Variants in NLRP13 observed in about 807,000 individuals in gnomAD.
The protein encoded by NLRP13 is NACHT, LRR and PYD domains-containing protein 13.
In NLRP13, 82 loss-of-function variants were observed where a neutral mutation model predicts 94.4. That is an observed-to-expected ratio of 0.87 (90% CI 0.73 to 1.04). The LOEUF is 1.04. NLRP13 is among the 50% of genes least tolerant of loss of function. The pLI, the probability that NLRP13 is intolerant of heterozygous loss-of-function variation, is 0.00. For synonymous variants in NLRP13, 553 were observed against 464.7 expected (o/e 1.19, Z -2.45); for missense variants, 1,426 against 1,230.8 (o/e 1.16, Z -2.37).
rs1397957236 is a variant in NLRP13, at chr19:55,932,108, C to T, written c.204G>A (p.Leu68=). ...ANLRAADPLN[L]SFLLDEHFPK... ...GGAAGTGTTCATCCAAAAGAAAGGA[C>T]AGATTCAAAGGGTCGGCAGCTCTCA... The change falls in exon 1 of 11, where the codon CTG becomes CTA. Residue 68 remains leucine, a synonymous_variant. Coordinates refer to ENST00000342929, the MANE Select transcript of NLRP13 (RefSeq NM_176810.2). 6.2e-7 allele frequency: 1 copy of T among 1,614,154 alleles called. No homozygotes were observed. The highest frequency in any genetic ancestry group is 2.2e-5 in the East Asian group (1 of 44,860).
chr19:55,924,870 A>T (rs1600278133), intron 2 of NLRP13, 97 bp downstream of exon 2: 1 of 1,112,364 alleles, frequency 9.0e-7, no homozygotes, highest in East Asian at 2.4e-5. Flanking sequence ...ATGCACTATA[A>T]ATTCAAGAAA....
At chr19:55,892,566 C>T (rs143959401), downstream of NLRP13, among the ~76,000 whole-genome samples, 2,476 of 152,156 alleles carry the variant, frequency 0.016, 66 homozygotes, top group African/African-American at 0.056. Flanking sequence ...GGATTATAGG[C>T]GCACACCACC....
intron 8 of NLRP13, 150 bp from the exon 9 acceptor site, chr19:55,902,355 G>C (rs1193725094): frequency 3.1e-6 from 2 of 635,892 alleles, no homozygotes; most frequent in Non-Finnish European, 5.4e-6. Context: ...ACCGACCCAG[G>C]CTATGGCAGT....
Position 55,932,015 on chromosome 19 carries a change from C to T in NLRP13, c.297G>A (p.Glu99=), listed in dbSNP as rs752137379. Residue 99 remains glutamate (E), a synonymous_variant, in exon 1 of 11, where the codon GAG becomes GAA. Transcript: ENST00000342929. ...CACCTTTCATCTCGGCTCTAACTTT[C>T]TCACACAGTGAGGTCAGATTCATTG... is the stretch of plus-strand genomic sequence containing the variant. ...FQTMNLTSLC[E]KVRAEMKENV... The T allele has an allele frequency of 4.2e-5, 67 of 1,613,672 alleles. No homozygotes were observed. In the South Asian group the frequency reaches 5.8e-4, roughly 14 times the overall value.
Position 55,912,662 on chromosome 19 carries a change from C to A in NLRP13, c.1155G>T (p.Gly385=), listed in dbSNP as rs150664866. Reference sequence around the variant, plus strand: ...ATACCCGTAGGTCGTCCCCTGTGAACCCTGTAATTTGTACAAAGCATGGAT... The same window carrying A: ...ATACCCGTAGGTCGTCCCCTGTGAAACCTGTAATTTGTACAAAGCATGGAT... ...LVNPCFVQIT[G]FTGDDLRVYF... is the part of the protein sequence containing the mutation. Residue 385 remains glycine, a synonymous_variant, in exon 5 of 11, where the codon GGG becomes GGT. Coordinates refer to ENST00000342929, the MANE Select transcript of NLRP13 (RefSeq NM_176810.2). 1.6e-4 allele frequency: 251 copies of A among 1,614,172 alleles called. No individual in the cohort carries two copies. In the African/African-American group the frequency reaches 2.6e-3, roughly 17 times the overall value.
downstream of NLRP13, among the ~76,000 whole-genome samples, chr19:55,892,310 C>T (rs532103469): frequency 6.6e-6 from 1 of 152,268 alleles, no homozygotes; most frequent in South Asian, 2.1e-4. Context: ...TAACCCTTGC[C>T]TCCTTCCTAC....
rs149412098 is a variant in NLRP13 at position 55,917,524 on chromosome 19, T to TA, written c.524-4232dup. ...AAACATAAGCCAAATATATGCTGCT[T>TA]AAAAAAAAACTCATCTTACTTCACT... On this transcript the variant is annotated intron_variant, in intron 4 of 10. Transcript: ENST00000342929. Among the ~76,000 whole-genome samples the TA allele has an allele frequency of 8.7e-3, 1,313 of 151,316 alleles. 15 individuals are homozygous for TA. The highest frequency in any genetic ancestry group is 0.026 in the African/African-American group (1,069 of 41,318).
rs368799385 is a variant in NLRP13 at position 55,913,050 on chromosome 19, A to G, written c.767T>C (p.Val256Ala). 1 of 1,613,914 alleles carries G rather than the reference A, an allele frequency of 6.2e-7. No homozygotes were observed. Among genetic ancestry groups the G allele is most frequent in the Non-Finnish European group, 8.5e-7 (1 of 1,179,962 alleles). Reference protein sequence around the residue: ...MQAMLHWANGVLFQQRFSYVF... With the variant: ...MQAMLHWANGALFQQRFSYVF... ...ATAGGAGAACCTTTGCTGAAAGAGA[A>G]CTCCATTTGCCCAGTGCAGCATAGC... Residue 256 changes from valine (V) to alanine (A), a missense_variant, in exon 5 of 11, where the codon GTT (valine) becomes GCT (alanine). Transcript: ENST00000342929.
chr19:55,903,071 T>C (rs1225335550), intron 8 of NLRP13, among the ~76,000 whole-genome samples: 1 of 151,810 alleles, frequency 6.6e-6, no homozygotes, highest in Non-Finnish European at 1.5e-5. Flanking sequence ...ATTATAACAG[T>C]TATAATTATA....
intron 7 of NLRP13, among the ~76,000 whole-genome samples, chr19:55,906,433 T>C (rs1156370656): frequency 1.3e-5 from 2 of 150,450 alleles, no homozygotes; most frequent in Admixed American, 1.3e-4. Context: ...GTAAATGCAG[T>C]AGGGGGATCC....
At chr19:55,928,572 T>A (rs1296791847) in intron 1 of NLRP13, among the ~76,000 whole-genome samples, 1 of 152,172 alleles carries the variant, frequency 6.6e-6, no homozygotes, top group Non-Finnish European at 1.5e-5. Context: ...CAAAAACTTT[T>A]AAGTTTATAT....
At chr19:55,910,948 A>G (rs988330701) in intron 5 of NLRP13, among the ~76,000 whole-genome samples, 10 of 152,174 alleles carry the variant, frequency 6.6e-5, no homozygotes, top group Admixed American at 3.9e-4. Context: ...CCCCGTCTGT[A>G]CTAAAAATAC....
chr19:55,910,737 C>T lies in NLRP13; in HGVS notation c.2112-4G>A. 6.2e-7 allele frequency: 1 copy of T among 1,604,074 alleles called. No individual in the cohort carries two copies. Among genetic ancestry groups the T allele is most frequent in the Non-Finnish European group, 8.5e-7 (1 of 1,172,598 alleles). On this transcript the variant is annotated splice_region_variant and splice_polypyrimidine_tract_variant and intron_variant, in intron 5 of 10. Coordinates refer to ENST00000342929, the MANE Select transcript of NLRP13 (RefSeq NM_176810.2). ...CCTGGAATCAAACTTGCTTGTCCTT[C>T]ATGAGGGAGAGACAGAACACGGATA...
chr19:55,921,630 T>C (rs1986829319), intron 4 of NLRP13, among the ~76,000 whole-genome samples: 1 of 152,130 alleles, frequency 6.6e-6, no homozygotes, highest in South Asian at 2.1e-4. Flanking sequence ...CCTGTTATGA[T>C]CCCAGAAAAA....
chr19:55,913,205 G>T lies in NLRP13; in HGVS notation c.612C>A (p.Ile204=). 1 of 1,614,060 alleles carries T rather than the reference G, an allele frequency of 6.2e-7. No homozygotes were observed. The highest frequency in any genetic ancestry group is 1.1e-5 in the South Asian group (1 of 91,062). ...NISWPKDHVY[I]RNTSKDEHEE... ...CATGTTCGTCCTTTGATGTATTACG[G>T]ATATATACGTGGTCTTTAGGCCAAC... Residue 204 remains isoleucine (I), a synonymous_variant, in exon 5 of 11, where the codon ATC becomes ATA. Coordinates refer to ENST00000342929, the MANE Select transcript of NLRP13 (RefSeq NM_176810.2).
intron 1 of NLRP13, among the ~76,000 whole-genome samples, chr19:55,927,978 T>C (rs1987011235): frequency 1.3e-5 from 2 of 152,262 alleles, no homozygotes; most frequent in South Asian, 4.2e-4. Context: ...CCCACAACAC[T>C]GGTCAAGTAC....
downstream of NLRP13, chr19:55,895,892 G>T: frequency 1.3e-6 from 2 of 1,567,578 alleles, no homozygotes; most frequent in African/African-American, 1.4e-5. Context: ...TAGAAGCCTA[G>T]TCAATCTAGC....
chr19:55,893,259 G>A (rs188124359), downstream of NLRP13, among the ~76,000 whole-genome samples: 27 of 152,004 alleles, frequency 1.8e-4, no homozygotes, highest in Admixed American at 1.4e-3. Flanking sequence ...GTGGTGGCAC[G>A]TGCCTGTAAT....
chr19:55,911,578 CA>C, intron 5 of NLRP13, 127 bp downstream of exon 5: 1 of 868,038 alleles, frequency 1.2e-6, no homozygotes, highest in South Asian at 1.7e-5. Context: ...AGAGCTGCTC[CA>C]GACCATTTGG....
Sources: gnomAD v4.1 joint callset for allele counts (sites outside exome capture counted in the v4.1 genomes callset) on GRCh38, gnomAD v4.1.1 for gene constraint, MANE v1.5 for transcripts, NCBI Gene and HGNC (gene_info 2026-07-23, HGNC 2026-07-21) for gene names.